Variants in GLB1 observed in about 807,000 individuals in gnomAD.
GLB1 encodes beta-galactosidase.
Under a neutral mutation model 74.0 loss-of-function variants are expected in GLB1, and 56 were observed. The observed-to-expected ratio is 0.76, with a 90% CI of 0.61 to 0.94. GLB1 has a LOEUF of 0.94. Among genes scored for constraint, GLB1 ranks in the 40% least tolerant of loss-of-function variants. GLB1 has a pLI of 0.00. For missense variants in GLB1, 787 were observed against 845.5 expected, an observed-to-expected ratio of 0.93 and a Z score of 0.86; for synonymous variants, 323 against 323.6, an observed-to-expected ratio of 1.00 and a Z score of 0.02.
intron 15 of GLB1, among the ~76,000 whole-genome samples, chr3:32,997,933 A>G (rs1417314437): frequency 1.3e-5 from 2 of 152,138 alleles, no homozygotes; most frequent in Non-Finnish European, 2.9e-5. Flanking sequence ...ACAACCCCTC[A>G]AGAGGGATAG....
chr3:32,992,726 T>TG (rs777054811), downstream of GLB1, among the ~76,000 whole-genome samples: 1 of 152,188 alleles, frequency 6.6e-6, no homozygotes, highest in African/African-American at 2.4e-5. Context: ...GGAATGAAGC[T>TG]GGTGGGAGGC....
Position 33,093,037 on chromosome 3 carries a change from T to C in GLB1, c.75+3974A>G. The C allele has an allele frequency of 1.2e-6, 2 of 1,614,064 alleles. No homozygotes were observed. The highest frequency in any genetic ancestry group is 1.7e-6 in the Non-Finnish European group (2 of 1,180,004). ...CCAGCATGTGTGTGCCCAGAAAGGA[T>C]CAGGTTAATATCTGGCCGAGCCTGG... On this transcript the variant is annotated intron_variant, in intron 1 of 15. Transcript: ENST00000307363. This position sits in a 1 kb window ranked among gnomAD's most constrained non-coding sequence, Gnocchi z 6.0.
At chr3:33,044,246 T>A (rs992938532) in intron 10 of GLB1, among the ~76,000 whole-genome samples, 1 of 152,080 alleles carries the variant, frequency 6.6e-6, no homozygotes, top group African/African-American at 2.4e-5. Context: ...CTAACCAGAA[T>A]GCAAAAAGAC....
downstream of GLB1, among the ~76,000 whole-genome samples, chr3:32,992,140 G>C (rs537764678): frequency 6.6e-6 from 1 of 152,222 alleles, no homozygotes; most frequent in African/African-American, 2.4e-5. Context: ...AGTCTTTTCC[G>C]TAGGCTCACG....
intron 12 of GLB1, among the ~76,000 whole-genome samples, chr3:33,019,115 G>A (rs891890046): frequency 6.6e-6 from 1 of 151,990 alleles, no homozygotes; most frequent in Admixed American, 6.6e-5. Flanking sequence ...AGGCTAGTCC[G>A]GGCAACATAG....
intron 12 of GLB1, among the ~76,000 whole-genome samples, chr3:33,020,945 C>T (rs182243709): frequency 3.3e-5 from 5 of 152,090 alleles, no homozygotes; most frequent in Admixed American, 1.3e-4. Context: ...ATTGGTGAAT[C>T]TAGGTAAAAA....
intron 10 of GLB1, among the ~76,000 whole-genome samples, chr3:33,044,880 G>A (rs535524543): frequency 6.6e-6 from 1 of 152,184 alleles, no homozygotes; most frequent in Admixed American, 6.5e-5. Context: ...CCCCACCTAG[G>A]TGCATTAGGT....
intron 5 of GLB1, among the ~76,000 whole-genome samples, chr3:33,060,718 G>T (rs1243121688): frequency 6.6e-6 from 1 of 152,228 alleles, no homozygotes; most frequent in Non-Finnish European, 1.5e-5. Context: ...TTTTGAGAGA[G>T]CGAGAAAAGC....
intron 11 of GLB1, among the ~76,000 whole-genome samples, chr3:33,022,278 A>G (rs530124786): frequency 1.3e-5 from 2 of 152,306 alleles, no homozygotes; most frequent in Admixed American, 6.5e-5. Context: ...ATTATATTCA[A>G]TACAAAGGAT....
At chr3:32,977,667 A>G in the GLB1 span, among the ~76,000 whole-genome samples, 4 of 152,220 alleles carry the variant, frequency 2.6e-5, no homozygotes, top group Non-Finnish European at 5.9e-5. Context: ...CCTTGGTACC[A>G]TGAATATGAG....
At position 33,081,076 on chromosome 3, in the gene GLB1, G is replaced by C. The variant is rs142184433; in HGVS notation, c.76-8363C>G. 2.0e-5 allele frequency among the ~76,000 whole-genome samples: 3 copies of C among 152,324 alleles called. No homozygotes were observed. In the East Asian group the frequency reaches 5.8e-4, roughly 29 times the overall value. Reference sequence around the variant, plus strand: ...GCAGAGGTGGGGGTCACTGGTCATTGAAAGGAGTGTGAGGTTAGCTGGCTT... The same window carrying C: ...GCAGAGGTGGGGGTCACTGGTCATTCAAAGGAGTGTGAGGTTAGCTGGCTT... On this transcript the variant is annotated intron_variant, in intron 1 of 15. Coordinates refer to ENST00000307363, the MANE Select transcript of GLB1 (RefSeq NM_000404.4).
At chr3:32,994,850 G>A (rs1696279701), downstream of GLB1, among the ~76,000 whole-genome samples, 1 of 151,244 alleles carries the variant, frequency 6.6e-6, no homozygotes, top group African/African-American at 2.4e-5. Context: ...GAACCCAGGA[G>A]GCAAAGTTTG....
chr3:33,058,016 A>G (rs1215641676), intron 6 of GLB1, 73 bp downstream of exon 6: 1 of 1,582,354 alleles, frequency 6.3e-7, no homozygotes, highest in Non-Finnish European at 8.6e-7. Context: ...ACTTATAACA[A>G]CAGCTGCCCA....
intron 1 of GLB1, among the ~76,000 whole-genome samples, chr3:33,075,666 C>T (rs775357817): frequency 7.2e-5 from 11 of 152,010 alleles, no homozygotes; most frequent in Admixed American, 3.3e-4. Context: ...TGGCAGGGAA[C>T]CCAGGCATGG....
At chr3:33,044,361 A>C (rs1438587045) in intron 10 of GLB1, among the ~76,000 whole-genome samples, 1 of 152,196 alleles carries the variant, frequency 6.6e-6, no homozygotes, top group African/African-American at 2.4e-5. Flanking sequence ...AAACAGTAAG[A>C]AATAGATTGC....
intron 15 of GLB1, among the ~76,000 whole-genome samples, chr3:32,999,911 A>C (rs1696480061): frequency 6.6e-6 from 1 of 151,424 alleles, no homozygotes; most frequent in Non-Finnish European, 1.5e-5. Context: ...TCGGCCTCCC[A>C]AAGTGTTGGG....
Position 33,074,377 on chromosome 3 carries a change from G to GAAAGAAAAAGAAAGA in GLB1, c.76-1665_76-1664insTCTTTCTTTTTCTTT, listed in dbSNP as rs1559412898. 3.7e-4 allele frequency among the ~76,000 whole-genome samples: 3 copies of GAAAGAAAAAGAAAGA among 8,192 alleles called. 1 individual carries two copies. The highest frequency in any genetic ancestry group is 6.2e-4 in the African/African-American group (3 of 4,856). The allele number at this position is 8,192 out of a possible 152,430, so 5.4% of individuals were successfully genotyped here. A position where few individuals can be genotyped will look rare whatever the true frequency, so the allele number is the denominator to read the frequency against. ...GGAAGGAAGGAAGGAAGGAAGGAAG[G>GAAAGAAAAAGAAAGA]AAGGAAGGAAGGAAGAAAGAAAGAA... is the stretch of plus-strand genomic sequence containing the variant. On this transcript the variant is annotated intron_variant, in intron 1 of 15. Transcript: ENST00000307363.
intron 1 of GLB1, among the ~76,000 whole-genome samples, chr3:33,088,375 ACACAC>A (rs1700615426): frequency 3.0e-5 from 1 of 33,628 alleles, no homozygotes; most frequent in Non-Finnish European, 1.2e-4. Flanking sequence ...GACTACACAC[ACACAC>A]ACACACACAC....
intron 11 of GLB1, among the ~76,000 whole-genome samples, chr3:33,023,237 G>T (rs1697578165): frequency 6.6e-6 from 1 of 152,138 alleles, no homozygotes; most frequent in Admixed American, 6.5e-5. Context: ...ATTTGTCATG[G>T]CTCTGAAACA....
Sources: gnomAD v4.1 joint callset for allele counts (sites outside exome capture counted in the v4.1 genomes callset) on GRCh38, gnomAD v4.1.1 for gene constraint, Gnocchi (gnomAD v3.1) non-coding constraint, MANE v1.5 for transcripts, NCBI Gene and HGNC (gene_info 2026-07-23, HGNC 2026-07-21) for gene names.